The following NRXN3 variants were observed in gnomAD, a reference collection of about 807,000 sequenced individuals.
The protein encoded by NRXN3 is neurexin III.
In NRXN3, 32 loss-of-function variants were observed where a neutral mutation model predicts 137.6. The observed-to-expected ratio is 0.23, with a 90% CI of 0.18 to 0.31. The LOEUF (loss-of-function observed/expected upper bound fraction) is 0.31, where lower values mean the gene tolerates loss of function less well. NRXN3 is among the 10% of genes least tolerant of loss of function. The pLI is 1.00. For synonymous variants in NRXN3, 798 were observed against 784.5 expected (o/e 1.02, Z -0.29); for missense variants, 1,574 against 2,062.5 (o/e 0.76, Z 4.59).
At chr14:79,476,207 C>T (rs2096558339) in intron 16 of NRXN3, among the ~76,000 whole-genome samples, 1 of 152,102 alleles carries the variant, frequency 6.6e-6, no homozygotes, top group South Asian at 2.1e-4. Context: ...TGGGGGAATT[C>T]ATTAGCCACC....
rs150887885 is a variant in NRXN3, at chr14:79,646,516, G to A, written c.3445-17262G>A. Among the ~76,000 whole-genome samples, 141 of 136,010 alleles carry A rather than the reference G, an allele frequency of 1.0e-3. 10 individuals carry two copies. The highest frequency in any genetic ancestry group is 3.2e-3 in the African/African-American group (132 of 40,926). 89.2% of individuals were successfully genotyped at this position (136,010 alleles called of 152,430 possible). On this transcript the variant is annotated intron_variant, in intron 16 of 20. Coordinates refer to ENST00000335750, the MANE Select transcript of NRXN3 (RefSeq NM_001330195.2). ...CTTTCAGCAGTCAGCAGAAGCAGTG[G>A]TAGTTGCGAGCTGGTTATTCAGAGG...
chr14:79,060,139 A>G (rs916574161), intron 15 of NRXN3, among the ~76,000 whole-genome samples: 1 of 152,230 alleles, frequency 6.6e-6, no homozygotes, highest in South Asian at 2.1e-4. Context: ...CCAGGACTTT[A>G]GTGCCTCTTG....
At chr14:78,717,802 G>T (rs931210428) in intron 8 of NRXN3, among the ~76,000 whole-genome samples, 4 of 152,168 alleles carry the variant, frequency 2.6e-5, no homozygotes, top group African/African-American at 9.7e-5. Context: ...TGAACAAGGG[G>T]TGTATAGTCC....
At chr14:79,679,737 G>A (rs763525044) in intron 17 of NRXN3, among the ~76,000 whole-genome samples, 77 of 152,116 alleles carry the variant, frequency 5.1e-4, no homozygotes, top group Non-Finnish European at 2.4e-4. Context: ...ACAGAGTAGC[G>A]GAATCTGGGT....
intron 2 of NRXN3, among the ~76,000 whole-genome samples, chr14:78,276,558 C>A (rs187325016): frequency 6.6e-6 from 1 of 152,274 alleles, no homozygotes; most frequent in Admixed American, 6.5e-5. Flanking sequence ...TCATAACACC[C>A]CCATGAGGGA....
chr14:78,791,677 C>G (rs2098805476), intron 8 of NRXN3, among the ~76,000 whole-genome samples: 1 of 152,100 alleles, frequency 6.6e-6, no homozygotes, highest in Non-Finnish European at 1.5e-5. Context: ...TCACCAGGAG[C>G]ACATGGATTC....
At chr14:79,400,311 G>A (rs1045954770) in intron 15 of NRXN3, among the ~76,000 whole-genome samples, 2 of 152,138 alleles carry the variant, frequency 1.3e-5, no homozygotes, top group Admixed American at 1.3e-4. Flanking sequence ...GTAGGCATAG[G>A]TCCGACCATT....
chr14:79,155,119 G>A (rs1166090015), intron 15 of NRXN3, among the ~76,000 whole-genome samples: 1 of 151,878 alleles, frequency 6.6e-6, no homozygotes, highest in Non-Finnish European at 1.5e-5. Flanking sequence ...GCCACATGGA[G>A]CATCCCTTCT....
At chr14:79,705,267 C>CTCTT in intron 19 of NRXN3, among the ~76,000 whole-genome samples, 1 of 152,084 alleles carries the variant, frequency 6.6e-6, no homozygotes, top group East Asian at 1.9e-4. Flanking sequence ...ACCTAACAGA[C>CTCTT]TCTTTAGCCG....
At chr14:79,127,302 G>A (rs2056687223) in intron 15 of NRXN3, among the ~76,000 whole-genome samples, 1 of 152,076 alleles carries the variant, frequency 6.6e-6, no homozygotes, top group Admixed American at 6.5e-5. Flanking sequence ...GGTTTTTATG[G>A]TTTTAGTTCT....
intron 15 of NRXN3, among the ~76,000 whole-genome samples, chr14:79,276,683 A>T (rs1013051706): frequency 6.6e-6 from 1 of 151,694 alleles, no homozygotes; most frequent in African/African-American, 2.4e-5. Context: ...ATGAAGTCAA[A>T]GCAGTCTCCA....
At chr14:78,667,392 C>T (rs543566950) in intron 6 of NRXN3, among the ~76,000 whole-genome samples, 1 of 152,228 alleles carries the variant, frequency 6.6e-6, no homozygotes, top group East Asian at 1.9e-4. Flanking sequence ...TCAAGAAATA[C>T]TAGCTATTTT....
At chr14:79,196,185 T>G (rs1461624465) in intron 15 of NRXN3, among the ~76,000 whole-genome samples, 5 of 152,230 alleles carry the variant, frequency 3.3e-5, no homozygotes, top group Non-Finnish European at 7.3e-5. Flanking sequence ...AGTGAATGAC[T>G]TGATAGCCTG....
chr14:78,730,186 T>G (rs2098508284), intron 8 of NRXN3, among the ~76,000 whole-genome samples: 1 of 152,170 alleles, frequency 6.6e-6, no homozygotes, highest in Non-Finnish European at 1.5e-5. Flanking sequence ...AGGCATGGAA[T>G]GAATGAATCT....
At chr14:79,560,506 T>TTTTTTTTTTG (rs2097483541) in intron 16 of NRXN3, among the ~76,000 whole-genome samples, 1 of 93,320 alleles carries the variant, frequency 1.1e-5, no homozygotes. Context: ...ATTGTAAGCT[T>TTTTTTTTTTG]TTTTTTTTTT....
At chr14:78,533,608 A>G (rs2096497498) in intron 4 of NRXN3, among the ~76,000 whole-genome samples, 1 of 152,076 alleles carries the variant, frequency 6.6e-6, no homozygotes, top group African/African-American at 2.4e-5. Flanking sequence ...CCTGTATTTG[A>G]TACGCTGTTT....
At chr14:78,860,146 A>C (rs570220244) in intron 10 of NRXN3, among the ~76,000 whole-genome samples, 2 of 152,262 alleles carry the variant, frequency 1.3e-5, no homozygotes, top group African/African-American at 4.8e-5. Flanking sequence ...CATTTATTAA[A>C]TTTTTACAGA....
At chr14:78,199,821 C>T (rs1355990350) in intron 1 of NRXN3, among the ~76,000 whole-genome samples, 3 of 152,168 alleles carry the variant, frequency 2.0e-5, no homozygotes, top group African/African-American at 7.2e-5. Context: ...CTGCCTTGGC[C>T]TTTTCTGAGG....
At chr14:79,840,108 G>T (rs1055404414) in intron 20 of NRXN3, among the ~76,000 whole-genome samples, 2 of 152,080 alleles carry the variant, frequency 1.3e-5, no homozygotes, top group African/African-American at 4.8e-5. Flanking sequence ...CACAGAAGTT[G>T]GATCACAGCT....
Sources: gnomAD v4.1 joint callset for allele counts (sites outside exome capture counted in the v4.1 genomes callset) on GRCh38, gnomAD v4.1.1 for gene constraint, MANE v1.5 for transcripts, NCBI Gene and HGNC (gene_info 2026-07-23, HGNC 2026-07-21) for gene names.